Variants in CADM1 observed in about 807,000 individuals in gnomAD.
The protein encoded by CADM1 is TSLC-1.
CADM1 carries 15 observed loss-of-function variants against 53.1 expected under a neutral mutation model. The ratio of observed to expected loss-of-function variants is 0.28; its 90% CI spans 0.19 to 0.44. CADM1 has a LOEUF of 0.44. CADM1 is among the 20% of genes least tolerant of loss of function. CADM1 has a pLI of 1.00. For synonymous variants in CADM1, 281 were observed against 243.0 expected, an observed-to-expected ratio of 1.16 and a Z score of -1.45; for missense variants, 434 against 611.3, an observed-to-expected ratio of 0.71 and a Z score of 3.06.
rs45520832 is a variant in CADM1, at chr11:115,442,118, G to T, written c.124+62153C>A. On this transcript the variant is annotated intron_variant, in intron 1 of 11. Coordinates refer to ENST00000331581, the MANE Select transcript of CADM1 (RefSeq NM_001301043.2). ...CATGTGCTAAGTGGTGGGAGAGAGG[G>T]CCAGGTTGAGTCAAGGGCATGCACA... 1.8e-3 allele frequency among the ~76,000 whole-genome samples: 269 copies of T among 151,714 alleles called. 1 individual carries two copies. Among genetic ancestry groups the T allele is most frequent in the Middle Eastern group, 6.8e-3 (2 of 294 alleles).
chr11:115,264,528 G>A (rs1476289487), intron 1 of CADM1, among the ~76,000 whole-genome samples: 1 of 152,160 alleles, frequency 6.6e-6, no homozygotes, highest in African/African-American at 2.4e-5. Flanking sequence ...CTGCAAAAAT[G>A]AAGGTTTCAG....
intron 1 of CADM1, among the ~76,000 whole-genome samples, chr11:115,431,552 T>C (rs1448862288): frequency 6.6e-6 from 1 of 152,194 alleles, no homozygotes; most frequent in African/African-American, 2.4e-5. Context: ...AGGCTTCTTA[T>C]AACTCTTAGA....
intron 1 of CADM1, among the ~76,000 whole-genome samples, chr11:115,248,792 G>A (rs1942495516): frequency 6.6e-6 from 1 of 152,120 alleles, no homozygotes; most frequent in African/African-American, 2.4e-5. Flanking sequence ...CTAAAAGAGA[G>A]AGAAAAAAAT....
chr11:115,289,363 T>C (rs1943816132), intron 1 of CADM1, among the ~76,000 whole-genome samples: 1 of 151,690 alleles, frequency 6.6e-6, no homozygotes, highest in Non-Finnish European at 1.5e-5. Context: ...AGATTCCATC[T>C]CAAAAAATAA....
chr11:115,190,781 C>A, intron 10 of CADM1, 107 bp downstream of exon 10: 1 of 919,610 alleles, frequency 1.1e-6, no homozygotes, highest in South Asian at 1.6e-5. Flanking sequence ...TTGTTAGTCT[C>A]AAAATCCACA....
intron 1 of CADM1, among the ~76,000 whole-genome samples, chr11:115,493,928 T>C (rs1591304112): frequency 6.6e-6 from 1 of 152,286 alleles, no homozygotes; most frequent in South Asian, 2.1e-4. Context: ...CAATGTGTGA[T>C]CTCTGATAGA....
intron 1 of CADM1, among the ~76,000 whole-genome samples, chr11:115,501,423 C>T (rs1489247188): frequency 6.6e-6 from 1 of 152,148 alleles, no homozygotes; most frequent in Non-Finnish European, 1.5e-5. Context: ...CATCCACCAG[C>T]CATCTTCTCT....
chr11:115,418,544 T>A (rs1406700239), intron 1 of CADM1, among the ~76,000 whole-genome samples: 1 of 152,176 alleles, frequency 6.6e-6, no homozygotes, highest in Non-Finnish European at 1.5e-5. Context: ...TATTTCACAT[T>A]ATATATTTAA....
intron 1 of CADM1, among the ~76,000 whole-genome samples, chr11:115,303,462 T>C (rs1415525446): frequency 1.3e-5 from 2 of 152,086 alleles, no homozygotes; most frequent in African/African-American, 4.8e-5. Flanking sequence ...AAGTCTATTT[T>C]TCTTCCTGCA....
At chr11:115,361,976 G>C (rs2098864994) in intron 1 of CADM1, among the ~76,000 whole-genome samples, 1 of 152,258 alleles carries the variant, frequency 6.6e-6, no homozygotes, top group East Asian at 1.9e-4. Context: ...CTGGGCTCAA[G>C]TGATGCCCCC....
chr11:115,484,383 G>A (rs1444845439), intron 1 of CADM1, among the ~76,000 whole-genome samples: 2 of 152,140 alleles, frequency 1.3e-5, no homozygotes, highest in East Asian at 3.9e-4. Context: ...TTGCTCTCTG[G>A]TGGTACTTGT....
At chr11:115,436,670 A>G (rs1173518518) in intron 1 of CADM1, among the ~76,000 whole-genome samples, 2 of 152,202 alleles carry the variant, frequency 1.3e-5, no homozygotes, top group Non-Finnish European at 2.9e-5. Flanking sequence ...AACTAAGAGA[A>G]TGAGGGCAGA....
chr11:115,455,276 T>TC (rs913756450), intron 1 of CADM1, among the ~76,000 whole-genome samples: 4 of 151,800 alleles, frequency 2.6e-5, no homozygotes, highest in African/African-American at 9.7e-5. Context: ...CACGTGCAAC[T>TC]CCCACTGAAA....
At chr11:115,195,638 G>A (rs963542593) in intron 9 of CADM1, among the ~76,000 whole-genome samples, 1 of 152,098 alleles carries the variant, frequency 6.6e-6, no homozygotes, top group Non-Finnish European at 1.5e-5. Context: ...TGAAGAAGTT[G>A]GGTTTTCAGC....
intron 1 of CADM1, among the ~76,000 whole-genome samples, chr11:115,331,785 C>T (rs1484772120): frequency 6.6e-6 from 1 of 151,864 alleles, no homozygotes; most frequent in Non-Finnish European, 1.5e-5. Context: ...TATGAAGGAC[C>T]CAAATTTCTG....
chr11:115,303,919 C>CA (rs1223261702), intron 1 of CADM1, among the ~76,000 whole-genome samples: 2 of 152,056 alleles, frequency 1.3e-5, no homozygotes, highest in African/African-American at 4.8e-5. Flanking sequence ...CCTTCCTATA[C>CA]AATCCCCTAG....
At chr11:115,471,298 T>C (rs970196086) in intron 1 of CADM1, among the ~76,000 whole-genome samples, 1 of 152,158 alleles carries the variant, frequency 6.6e-6, no homozygotes, top group African/African-American at 2.4e-5. Context: ...CAGAAAAACA[T>C]GATCAACAAG....
At chr11:115,370,447 G>A (rs1166959748) in intron 1 of CADM1, among the ~76,000 whole-genome samples, 3 of 152,126 alleles carry the variant, frequency 2.0e-5, no homozygotes, top group Non-Finnish European at 4.4e-5. Flanking sequence ...GGTTATAAGG[G>A]TGAGGCCCTC....
At chr11:115,192,279 T>C (rs376574560) in intron 9 of CADM1, among the ~76,000 whole-genome samples, 8 of 152,176 alleles carry the variant, frequency 5.3e-5, no homozygotes, top group African/African-American at 1.9e-4. Flanking sequence ...AGAACTTCCA[T>C]CATGACCCTT....
Sources: allele counts gnomAD v4.1 joint callset (sites outside exome capture counted in the v4.1 genomes callset), GRCh38; gene constraint gnomAD v4.1.1; transcripts MANE v1.5; gene names NCBI Gene and HGNC (gene_info 2026-07-23, HGNC 2026-07-21).